Variants in MME observed in about 807,000 individuals in gnomAD.
MME encodes the protein membrane metalloendopeptidase, also known as neprilysin.
MME carries 98 observed loss-of-function variants against 113.2 expected under a neutral mutation model. That is an observed-to-expected ratio of 0.87 (90% CI 0.74 to 1.02). The LOEUF (loss-of-function observed/expected upper bound fraction) is 1.02, where lower values mean the gene tolerates loss of function less well. Among genes scored for constraint, MME ranks in the 50% least tolerant of loss-of-function variants. The probability of loss-of-function intolerance (pLI) is 0.00; values close to 1 mark genes in which losing one functional copy is unlikely to be tolerated. For missense variants in MME, 836 were observed against 896.0 expected (o/e 0.93, Z 0.86); for synonymous variants, 292 against 300.6 (o/e 0.97, Z 0.30).
intron 1 of MME, among the ~76,000 whole-genome samples, chr3:155,061,886 C>T (rs1576676962): frequency 6.6e-6 from 1 of 152,268 alleles, no homozygotes; most frequent in East Asian, 1.9e-4. Context: ...GTTTCGAACT[C>T]CTGGCCTCAA....
rs190327925 is a variant in MME at position 155,040,922 on chromosome 3, T to C, written c.-11+16598T>C. Among the ~76,000 whole-genome samples the C allele has an allele frequency of 2.1e-3, 313 of 152,306 alleles. 1 individual carries two copies. The highest frequency in any genetic ancestry group is 7.3e-3 in the African/African-American group (302 of 41,576). On this transcript the variant is annotated intron_variant, in intron 1 of 22. Transcript: ENST00000492661. ...TGGTAGTTTGTTTTTAATTTGTGGC[T>C]CAAACCATTAGAGAAAATCTGTCAC...
chr3:155,105,739 A>C (rs532987621), intron 3 of MME, among the ~76,000 whole-genome samples: 5 of 152,340 alleles, frequency 3.3e-5, no homozygotes, highest in African/African-American at 1.2e-4. Flanking sequence ...TATAGTTACC[A>C]TACAAGGTTA....
At chr3:155,126,089 A>T (rs1719627394) in intron 8 of MME, among the ~76,000 whole-genome samples, 1 of 152,224 alleles carries the variant, frequency 6.6e-6, no homozygotes, top group South Asian at 2.1e-4. Flanking sequence ...AAGATATATC[A>T]TCAAAGGCCA....
chr3:155,112,232 T>A (rs1718252279), intron 3 of MME: 1 of 152,214 alleles, frequency 6.6e-6, no homozygotes, highest in African/African-American at 2.4e-5. Context: ...TGTTGTGAGC[T>A]GATACAGACT....
At chr3:155,125,209 A>T (rs1252473161) in intron 8 of MME, among the ~76,000 whole-genome samples, 1 of 147,434 alleles carries the variant, frequency 6.8e-6, no homozygotes, top group East Asian at 2.0e-4. Flanking sequence ...CCTTTCTTTG[A>T]CTTGGAAAGG....
At chr3:155,119,687 G>A (rs1469849403) in intron 8 of MME, among the ~76,000 whole-genome samples, 7 of 151,158 alleles carry the variant, frequency 4.6e-5, no homozygotes, top group South Asian at 2.1e-4. Context: ...TTGTTCTTGC[G>A]ATAGTTTACT....
At chr3:155,143,824 G>A (rs756018365) in intron 13 of MME, among the ~76,000 whole-genome samples, 2 of 152,106 alleles carry the variant, frequency 1.3e-5, no homozygotes, top group Non-Finnish European at 2.9e-5. Context: ...TGTATTTGGA[G>A]TACCCAGTAA....
intron 1 of MME, among the ~76,000 whole-genome samples, chr3:155,028,813 T>C (rs1712870544): frequency 6.6e-6 from 1 of 152,188 alleles, no homozygotes; most frequent in Non-Finnish European, 1.5e-5. Context: ...TAAATTTGCC[T>C]CTCTTGGACT....
At chr3:155,109,297 G>C (rs1027318963) in intron 3 of MME, among the ~76,000 whole-genome samples, 1 of 152,114 alleles carries the variant, frequency 6.6e-6, no homozygotes, top group African/African-American at 2.4e-5. Flanking sequence ...AGGAAGGGAG[G>C]TATTTTCCCT....
At chr3:155,061,430 G>A (rs1714141947) in intron 1 of MME, among the ~76,000 whole-genome samples, 1 of 136,912 alleles carries the variant, frequency 7.3e-6, no homozygotes, top group Non-Finnish European at 1.5e-5. Flanking sequence ...CAACCTGGGC[G>A]ACAGAGCGAG....
At chr3:155,163,064 TAC>T (rs1722833240) in intron 17 of MME, among the ~76,000 whole-genome samples, 1 of 146,736 alleles carries the variant, frequency 6.8e-6, no homozygotes, top group South Asian at 2.2e-4. Flanking sequence ...TGTATATAAA[TAC>T]ACACATACCT....
chr3:155,109,993 T>G (rs1376757978), intron 3 of MME, among the ~76,000 whole-genome samples: 4 of 152,188 alleles, frequency 2.6e-5, no homozygotes, highest in Admixed American at 2.0e-4. Flanking sequence ...TATAAAAAAT[T>G]CATCCGCGGA....
At chr3:155,044,519 A>AT (rs564864855) in intron 1 of MME, among the ~76,000 whole-genome samples, 47 of 151,234 alleles carry the variant, frequency 3.1e-4, no homozygotes, top group African/African-American at 1.1e-3. Flanking sequence ...GCTTTTTTAA[A>AT]TTTTTATTTA....
chr3:155,063,488 T>TATATATATTTAAATATATATATTAAAA (rs1714247944), intron 1 of MME, among the ~76,000 whole-genome samples: 7 of 95,944 alleles, frequency 7.3e-5, no homozygotes, highest in East Asian at 5.6e-4. Flanking sequence ...TTATTTTATA[T>TATATATATTTAAATATATATATTAAAA]ATATATATTT....
intron 8 of MME, among the ~76,000 whole-genome samples, chr3:155,131,214 T>C (rs959127122): frequency 1.3e-5 from 2 of 152,202 alleles, no homozygotes; most frequent in African/African-American, 4.8e-5. Context: ...TGGACTCAGA[T>C]GGCAGCAAGT....
At chr3:155,071,928 G>A (rs1029952642) in intron 1 of MME, among the ~76,000 whole-genome samples, 2 of 152,074 alleles carry the variant, frequency 1.3e-5, no homozygotes, top group African/African-American at 2.4e-5. Flanking sequence ...TTGGGAGGCC[G>A]AGGCGGGTGG....
At chr3:155,141,482 C>T (rs1399401639) in intron 10 of MME, among the ~76,000 whole-genome samples, 2 of 152,034 alleles carry the variant, frequency 1.3e-5, no homozygotes, top group Admixed American at 6.6e-5. Flanking sequence ...GACCCAATAT[C>T]GATAATTGAA....
intron 3 of MME, chr3:155,085,309 G>A (rs1414063736): frequency 7.1e-6 from 3 of 420,524 alleles, no homozygotes; most frequent in Non-Finnish European, 8.6e-6. Context: ...TCAGCCCTGG[G>A]CTGTATAGCA....
At position 155,181,159 on chromosome 3, in the gene MME, A is replaced by G. The variant is rs200043002; in HGVS notation, c.*700A>G. The G allele has an allele frequency of 6.6e-5, 10 of 152,046 alleles. No homozygotes were observed. The highest frequency in any genetic ancestry group is 7.2e-5 in the African/African-American group (3 of 41,418). 9.4% of individuals were successfully genotyped at this position (152,046 alleles called of 1,614,324 possible). A position where few individuals can be genotyped will look rare whatever the true frequency, so the allele number is the denominator to read the frequency against. Reference sequence around the variant, plus strand: ...AAGCAATTTCTTGCTCTATCTCTCAAAACTTGGTATTTTTCAGAGATTTAT... The same window carrying G: ...AAGCAATTTCTTGCTCTATCTCTCAGAACTTGGTATTTTTCAGAGATTTAT... On this transcript the variant is annotated 3_prime_UTR_variant, in exon 23 of 23. Transcript: ENST00000360490.
Sources: gnomAD v4.1 joint callset for allele counts (sites outside exome capture counted in the v4.1 genomes callset) on GRCh38, gnomAD v4.1.1 for gene constraint, MANE v1.5 for transcripts, NCBI Gene and HGNC (gene_info 2026-07-23, HGNC 2026-07-21) for gene names.